Variants in ZNF521 observed in about 807,000 individuals in gnomAD.
ZNF521 encodes the protein zinc finger protein 521.
ZNF521 carries 14 observed loss-of-function variants against 105.5 expected under a neutral mutation model. The ratio of observed to expected loss-of-function variants is 0.13; its 90% CI spans 0.09 to 0.21. ZNF521 has a LOEUF of 0.21. Ranked by LOEUF, ZNF521 falls within the 10% of genes least tolerant of loss-of-function variation. ZNF521 has a pLI of 1.00. For synonymous variants in ZNF521, 635 were observed against 606.0 expected (o/e 1.05, Z -0.70); for missense variants, 1,233 against 1,629.7 (o/e 0.76, Z 4.19).
intron 5 of ZNF521, among the ~76,000 whole-genome samples, chr18:25,178,277 C>T (rs1422426893): frequency 6.6e-6 from 1 of 152,168 alleles, no homozygotes; most frequent in African/African-American, 2.4e-5. Context: ...CCATTTCTAA[C>T]AATAATTAGA....
chr18:25,268,117 C>T (rs947258097), intron 3 of ZNF521, among the ~76,000 whole-genome samples: 8 of 152,104 alleles, frequency 5.3e-5, no homozygotes, highest in Admixed American at 2.0e-4. Context: ...AAACACAGCA[C>T]GAGAACTTCC....
intron 3 of ZNF521, among the ~76,000 whole-genome samples, chr18:25,280,933 A>T (rs984228833): frequency 6.6e-6 from 1 of 151,804 alleles, no homozygotes. Flanking sequence ...ATACTGTCTC[A>T]CTCTCTCTCT....
At chr18:25,111,404 A>G (rs1331259066) in intron 5 of ZNF521, among the ~76,000 whole-genome samples, 2 of 152,222 alleles carry the variant, frequency 1.3e-5, no homozygotes, top group Non-Finnish European at 2.9e-5. Context: ...GTGTTTAACG[A>G]AAATTCTGAG....
chr18:25,152,340 G>A (rs189547269), intron 5 of ZNF521, among the ~76,000 whole-genome samples: 65 of 152,016 alleles, frequency 4.3e-4, no homozygotes, highest in Non-Finnish European at 8.7e-4. Flanking sequence ...TTAACCTGGC[G>A]TGGTGGCGCA....
intron 5 of ZNF521, among the ~76,000 whole-genome samples, chr18:25,131,535 C>T (rs569722813): frequency 1.3e-5 from 2 of 152,248 alleles, no homozygotes; most frequent in Admixed American, 1.3e-4. Flanking sequence ...TGGTACCTAG[C>T]TTTCCTAAGA....
At chr18:25,315,271 G>C (rs1245317510) in intron 3 of ZNF521, among the ~76,000 whole-genome samples, 1 of 152,172 alleles carries the variant, frequency 6.6e-6, no homozygotes, top group African/African-American at 2.4e-5. Flanking sequence ...TAAAATTGAA[G>C]AGAGGGACTT....
chr18:25,107,544 T>C (rs1392816139), intron 5 of ZNF521, among the ~76,000 whole-genome samples: 1 of 152,200 alleles, frequency 6.6e-6, no homozygotes, highest in Non-Finnish European at 1.5e-5. Context: ...CTTTGAGTTT[T>C]TAAATAATAT....
chr18:25,185,389 A>G (rs1372567465), intron 5 of ZNF521, among the ~76,000 whole-genome samples: 5 of 152,174 alleles, frequency 3.3e-5, no homozygotes, highest in African/African-American at 1.2e-4. Flanking sequence ...TGGTATGTGC[A>G]TAAGAGAAAA....
chr18:25,078,234 A>C (rs996625592), intron 7 of ZNF521, among the ~76,000 whole-genome samples: 1 of 152,220 alleles, frequency 6.6e-6, no homozygotes, highest in Non-Finnish European at 1.5e-5. Flanking sequence ...GAACGAAATG[A>C]GCAGCCTCTT....
chr18:25,295,255 A>G (rs535771098), intron 3 of ZNF521, among the ~76,000 whole-genome samples: 1 of 152,132 alleles, frequency 6.6e-6, no homozygotes, highest in Non-Finnish European at 1.5e-5. Context: ...ATGGTTCCAT[A>G]CTGTATGTAT....
At chr18:25,313,123 G>A (rs1383195611) in intron 3 of ZNF521, among the ~76,000 whole-genome samples, 1 of 152,148 alleles carries the variant, frequency 6.6e-6, no homozygotes, top group Non-Finnish European at 1.5e-5. Context: ...TAGCCATCCA[G>A]GTACTAACCA....
chr18:25,107,880 T>A (rs2034105049), intron 5 of ZNF521, among the ~76,000 whole-genome samples: 1 of 152,182 alleles, frequency 6.6e-6, no homozygotes, highest in Admixed American at 6.5e-5. Flanking sequence ...GCTGCAAAAA[T>A]CTTCTGGGGG....
chr18:25,312,084 C>T (rs1034850276), intron 3 of ZNF521, among the ~76,000 whole-genome samples: 2 of 152,074 alleles, frequency 1.3e-5, no homozygotes, highest in South Asian at 4.2e-4. Context: ...ACCAGTTATT[C>T]AAGCAGGCTA....
rs79004381 is a variant in ZNF521 at position 25,065,657 on chromosome 18, T to A, written c.3907-2916A>T. Among the ~76,000 whole-genome samples the A allele has an allele frequency of 1.0e-3, 159 of 152,282 alleles. 4 individuals carry two copies. The East Asian group carries it at 0.024, about 23-fold the overall frequency. ...CAAATAAAAAAAAAAAACAGTTTAA[T>A]TACATTATTTTCAAATGTTTAAGTG... On this transcript the variant is annotated intron_variant, in intron 7 of 7. Transcript: ENST00000361524.
chr18:25,291,097 TCCAGTGCAG>T (rs1165369404), intron 3 of ZNF521, among the ~76,000 whole-genome samples: 1 of 152,148 alleles, frequency 6.6e-6, no homozygotes, highest in Non-Finnish European at 1.5e-5. Context: ...TGACTGGGGC[TCCAGTGCAG>T]AATTCTACCA....
At chr18:25,307,626 A>G (rs867248115) in intron 3 of ZNF521, among the ~76,000 whole-genome samples, 7 of 152,166 alleles carry the variant, frequency 4.6e-5, no homozygotes, top group Middle Eastern at 3.4e-3. Context: ...CCTGGTATTC[A>G]CGCCTTTGTA....
rs1568006236 is a variant in ZNF521 at position 25,200,128 on chromosome 18, AT to A, written c.3574-4885del. On this transcript the variant is annotated intron_variant, in intron 4 of 7. Transcript: ENST00000361524. ...CACACACTGGATTTTAACACAGTTT[AT>A]ATTCTGGTCATTTGCAGGTAAATTT... Among the ~76,000 whole-genome samples the A allele has an allele frequency of 2.6e-5, 4 of 152,254 alleles. No homozygotes were observed. The South Asian group carries it at 6.2e-4, about 24-fold the overall frequency.
chr18:25,174,372 A>G (rs1174896396), intron 5 of ZNF521, among the ~76,000 whole-genome samples: 1 of 152,214 alleles, frequency 6.6e-6, no homozygotes, highest in Non-Finnish European at 1.5e-5. Flanking sequence ...GTGGAAATTC[A>G]TATCAAAAAA....
chr18:25,133,251 T>C (rs1293203915), intron 5 of ZNF521, among the ~76,000 whole-genome samples: 1 of 152,208 alleles, frequency 6.6e-6, no homozygotes, highest in African/African-American at 2.4e-5. Context: ...TAATATAGAT[T>C]CTACGTGCAT....
Sources: allele counts gnomAD v4.1 joint callset (sites outside exome capture counted in the v4.1 genomes callset), GRCh38; gene constraint gnomAD v4.1.1; transcripts MANE v1.5; gene names NCBI Gene and HGNC (gene_info 2026-07-23, HGNC 2026-07-21).